HPSE: variants seen among roughly 807,000 people sequenced by gnomAD.
HPSE encodes endo-glucoronidase.
HPSE carries 48 observed loss-of-function variants against 65.1 expected under a neutral mutation model. That is an observed-to-expected ratio of 0.74 (90% CI 0.58 to 0.94). HPSE has a LOEUF of 0.94. HPSE is among the 40% of genes least tolerant of loss of function. The probability of loss-of-function intolerance (pLI) is 0.00; values close to 1 mark genes in which losing one functional copy is unlikely to be tolerated. For synonymous variants in HPSE, 243 were observed against 260.0 expected (o/e 0.93, Z 0.63); for missense variants, 644 against 637.5 (o/e 1.01, Z -0.11).
rs1322170910 is a variant in HPSE at position 83,309,452 on chromosome 4, T to C, written c.934A>G (p.Asn312Asp). Residue 312 changes from asparagine to aspartate, a missense_variant, in exon 7 of 12, where the codon AAC becomes GAC. Physicochemically the swap from Asn to Asp is conservative, Grantham distance 23. Transcript: ENST00000311412. ...ATAAAAATGTCCAATACATCAGGGT[T>C]TAGAAAATCTTCCTTGGTAGCAGTC... ...GRTATKEDFL[N>D]PDVLDIFISS... is the part of the protein sequence containing the mutation. The C allele has an allele frequency of 6.3e-7, 1 of 1,593,570 alleles. No homozygotes were observed. Among genetic ancestry groups the C allele is most frequent in the Non-Finnish European group, 8.6e-7 (1 of 1,165,118 alleles).
rs146047984 is a variant in HPSE, at chr4:83,310,075, G to A, written c.846C>T (p.Phe282=). ...CAATCACTTCTCCACCAGCCTTCAG[G>A]AAGCTAGAAAAAAAATTTTATTATC... ...RRKTAKMLKS[F]LKAGGEVIDS... Residue 282 remains phenylalanine (F), a synonymous_variant, in exon 6 of 12, where the codon TTC becomes TTT. Coordinates refer to ENST00000311412, the MANE Select transcript of HPSE (RefSeq NM_001098540.3). The A allele has an allele frequency of 5.5e-5, 89 of 1,608,412 alleles. No homozygotes were observed. The highest frequency in any genetic ancestry group is 7.3e-5 in the Non-Finnish European group (86 of 1,176,288).
Position 83,322,283 on chromosome 4 carries a change from A to C in HPSE, c.309T>G (p.Ile103Met). 1 of 1,613,922 alleles carries C rather than the reference A, an allele frequency of 6.2e-7. No individual in the cohort carries two copies. The highest frequency in any genetic ancestry group is 8.5e-7 in the Non-Finnish European group (1 of 1,179,876). ...AGGTTGATTCCTTCTTGGGATCGAA[A>C]ATTAGGAAGTCTGTCTTGGTGCCAC... The part of the protein sequence containing the change: ...RFGGTKTDFL[I>M]FDPKKESTFE... The change falls in exon 2 of 12, where the codon ATT becomes ATG. Residue 103 changes from isoleucine to methionine, a missense_variant. Transcript: ENST00000311412.
At position 83,334,657 on chromosome 4, in the gene HPSE, G is replaced by A. The variant is rs1737542613; in HGVS notation, c.126C>T (p.Asp42=). 6.3e-7 allele frequency: 1 copy of A among 1,581,884 alleles called. No homozygotes were observed. Among genetic ancestry groups the A allele is most frequent in the Non-Finnish European group, 8.6e-7 (1 of 1,163,938 alleles). Residue 42 remains aspartate (D), a synonymous_variant, in exon 1 of 12, where the codon GAC becomes GAT. Coordinates refer to ENST00000311412, the MANE Select transcript of HPSE (RefSeq NM_001098540.3). The part of the protein sequence containing the change: ...PAQAQDVVDL[D]FFTQEPLHLV... ...GGTGCAGCGGCTCCTGGGTGAAGAA[G>A]TCCAGGTCCACGACGTCCTGTGCTT...
chr4:83,328,726 G>C (rs1180533157), intron 1 of HPSE, among the ~76,000 whole-genome samples: 1 of 151,738 alleles, frequency 6.6e-6, no homozygotes, highest in East Asian at 1.9e-4. Context: ...AGGCATGTGC[G>C]AGGAGGTAAT....
rs1735696701 is a variant in HPSE at position 83,295,645 on chromosome 4, T to C, written c.1473-142A>G. The stretch of plus-strand genomic sequence containing the variant: ...TTATATAACTTGTATTTCAACACTA[T>C]ATCACTTAGGCATTTGACCTAGATA... On this transcript the variant is annotated intron_variant, in intron 11 of 11. Coordinates refer to ENST00000311412, the MANE Select transcript of HPSE (RefSeq NM_001098540.3). 1.1e-5 allele frequency: 6 copies of C among 535,412 alleles called. No individual in the cohort carries two copies. In the South Asian group the frequency reaches 2.0e-4, roughly 17 times the overall value. The allele number at this position is 535,412 out of a possible 1,614,324, so 33.2% of individuals were successfully genotyped here. A position where few individuals can be genotyped will look rare whatever the true frequency, so the allele number is the denominator to read the frequency against.
chr4:83,313,411 G>C (rs1311593602), intron 3 of HPSE, 124 bp from the exon 4 acceptor site: 3 of 598,140 alleles, frequency 5.0e-6, no homozygotes, highest in African/African-American at 3.8e-5. Flanking sequence ...TCTAATAAAT[G>C]ATTATAATTA....
Position 83,334,663 on chromosome 4 carries a change from G to A in HPSE, c.120C>T (p.Asp40=). 6.3e-7 allele frequency: 1 copy of A among 1,578,180 alleles called. No individual in the cohort carries two copies. The highest frequency in any genetic ancestry group is 1.3e-5 in the African/African-American group (1 of 74,340). Residue 40 remains aspartate (D), a synonymous_variant, in exon 1 of 12, where the codon GAC becomes GAT. Coordinates refer to ENST00000311412, the MANE Select transcript of HPSE (RefSeq NM_001098540.3). ...PRPAQAQDVV[D]LDFFTQEPLH... ...GCGGCTCCTGGGTGAAGAAGTCCAG[G>A]TCCACGACGTCCTGTGCTTGCGCAG...
In HPSE at chr4:83,308,897, CA is replaced by C. The variant is rs759777225; in HGVS notation, c.1038del (p.Ala347HisfsTer31). The C allele has an allele frequency of 3.1e-6, 5 of 1,614,210 alleles. No individual in the cohort carries two copies. In the South Asian group the frequency reaches 5.5e-5, roughly 18 times the overall value. ...AGCAAGGGCGCTCCGCCTCCATATG[CA>C]GAGCTTGTTTCTCCTAACCAGACCT... ...GKKVWLGETS[S>X]AYGGGAPLLS... On this transcript the variant is annotated frameshift_variant, in exon 8 of 12. Transcript: ENST00000311412. LOFTEE classifies it high-confidence loss of function.
At position 83,322,239 on chromosome 4, in the gene HPSE, C is replaced by T; in HGVS notation, c.353G>A (p.Trp118Ter). ...KESTFEERSY[W>*]QSQVNQDICK... Reference sequence around the variant, plus strand: ...TTCACCCTGGTTGACTTGAGATTGCCAGTAACTTCTCTCTTCAAAGGTTGA... The same window carrying T: ...TTCACCCTGGTTGACTTGAGATTGCTAGTAACTTCTCTCTTCAAAGGTTGA... The change falls in exon 2 of 12, where the codon TGG (tryptophan) becomes TAG (stop). Residue 118 changes from tryptophan to a stop codon, truncating the protein, a stop_gained. Coordinates refer to ENST00000311412, the MANE Select transcript of HPSE (RefSeq NM_001098540.3). LOFTEE classifies it high-confidence loss of function. The T allele has an allele frequency of 1.9e-6, 3 of 1,613,280 alleles. No individual in the cohort carries two copies. The highest frequency in any genetic ancestry group is 2.5e-6 in the Non-Finnish European group (3 of 1,179,574).
At chr4:83,299,570 G>A (rs1174535927) in intron 11 of HPSE, among the ~76,000 whole-genome samples, 1 of 152,032 alleles carries the variant, frequency 6.6e-6, no homozygotes, top group Non-Finnish European at 1.5e-5. Context: ...TTTGTCTGTG[G>A]GGGACAGGAC....
At chr4:83,333,169 G>C (rs192939817) in intron 1 of HPSE, among the ~76,000 whole-genome samples, 3 of 152,214 alleles carry the variant, frequency 2.0e-5, no homozygotes, top group Non-Finnish European at 2.9e-5. Flanking sequence ...GCTACCAAAT[G>C]CTCACCATGT....
intron 4 of HPSE, among the ~76,000 whole-genome samples, chr4:83,312,840 G>GAAAAAA (rs1736455255): frequency 7.5e-5 from 1 of 13,260 alleles, no homozygotes; most frequent in Admixed American, 7.5e-4. Context: ...TACTAAAAAT[G>GAAAAAA]CAAAAAAAAA....
chr4:83,333,990 A>G (rs1560518415), intron 1 of HPSE, among the ~76,000 whole-genome samples: 1 of 152,220 alleles, frequency 6.6e-6, no homozygotes, highest in Non-Finnish European at 1.5e-5. Context: ...CTTCAGGTGC[A>G]CCTGCCTGGT....
chr4:83,308,729 G>C (rs1473128320), intron 8 of HPSE, 116 bp downstream of exon 8: 8 of 738,606 alleles, frequency 1.1e-5, no homozygotes, highest in Admixed American at 2.4e-5. Flanking sequence ...GAATTTTGGG[G>C]CTCAGCCACT....
chr4:83,314,269 C>CA (rs1560510347), intron 3 of HPSE, among the ~76,000 whole-genome samples: 3 of 46,774 alleles, frequency 6.4e-5, no homozygotes, highest in Non-Finnish European at 1.3e-4. Context: ...AAAAAAAAAA[C>CA]AAAAAAACAA....
At position 83,293,051 on chromosome 4, in the gene HPSE, T is replaced by A. The variant is rs982828449; in HGVS notation, c.*2293A>T. On this transcript the variant is annotated 3_prime_UTR_variant, in exon 12 of 12. Coordinates refer to ENST00000311412, the MANE Select transcript of HPSE (RefSeq NM_001098540.3). ...ATACTATATCCATAACAGGCATACA[T>A]TTGAAGAATATTAATCCTTAAGAGG... 14 of 152,160 alleles carry A rather than the reference T, an allele frequency of 9.2e-5. No homozygotes were observed. Among genetic ancestry groups the A allele is most frequent in the African/African-American group, 3.1e-4 (13 of 41,418 alleles). 9.4% of individuals were successfully genotyped at this position (152,160 alleles called of 1,614,324 possible). A position where few individuals can be genotyped will look rare whatever the true frequency, so the allele number is the denominator to read the frequency against.
At position 83,302,604 on chromosome 4, in the gene HPSE, G is replaced by GAC. The variant is rs958981857; in HGVS notation, c.1207-338_1207-337dup. On this transcript the variant is annotated intron_variant, in intron 9 of 11. Transcript: ENST00000311412. ...AGCAAAGCTCAAAGCCAAACTTTTA[G>GAC]ACACACACACATACACAAACACATG... 7.2e-5 allele frequency among the ~76,000 whole-genome samples: 11 copies of GAC among 152,080 alleles called. No individual in the cohort carries two copies. The South Asian group carries it at 8.3e-4, about 11-fold the overall frequency.
At chr4:83,323,650 A>C (rs142046401) in intron 1 of HPSE, among the ~76,000 whole-genome samples, 101 of 152,250 alleles carry the variant, frequency 6.6e-4, no homozygotes, top group African/African-American at 2.4e-3. Context: ...ATTCCCCACC[A>C]AGGAAAATCA....
Position 83,325,424 on chromosome 4 carries a change from C to T in HPSE, c.228-3060G>A, listed in dbSNP as rs574028270. On this transcript the variant is annotated intron_variant, in intron 1 of 11. Transcript: ENST00000311412. Reference sequence around the variant, plus strand: ...CAGGTGATCCGCCCACCTCAGCCTGCCAAAGTGCTGGGATTACAGGCATGG... The same window carrying T: ...CAGGTGATCCGCCCACCTCAGCCTGTCAAAGTGCTGGGATTACAGGCATGG... Among the ~76,000 whole-genome samples, 5 of 152,254 alleles carry T rather than the reference C, an allele frequency of 3.3e-5. No homozygotes were observed. The South Asian group carries it at 1.0e-3, about 32-fold the overall frequency.
Sources: gnomAD v4.1 joint callset for allele counts (sites outside exome capture counted in the v4.1 genomes callset) on GRCh38, gnomAD v4.1.1 for gene constraint, MANE v1.5 for transcripts, NCBI Gene and HGNC (gene_info 2026-07-23, HGNC 2026-07-21) for gene names.